The following ZNF384 variants were observed in gnomAD, a reference collection of about 807,000 sequenced individuals.
ZNF384 encodes the protein CAG repeat protein 1.
Under a neutral mutation model 65.0 loss-of-function variants are expected in ZNF384, and 20 were observed. The observed-to-expected ratio is 0.31, with a 90% confidence interval of 0.22 to 0.45. ZNF384 has a LOEUF of 0.45. Ranked by LOEUF, ZNF384 falls within the 20% of genes least tolerant of loss-of-function variation. ZNF384 has a pLI of 1.00. For missense variants in ZNF384, 549 were observed against 769.4 expected (o/e 0.71, Z 3.39); for synonymous variants, 310 against 303.9 (o/e 1.02, Z -0.21).
intron 7 of ZNF384, among the ~76,000 whole-genome samples, chr12:6,676,696 T>G (rs1362221335): frequency 3.3e-5 from 5 of 152,218 alleles, no homozygotes; most frequent in Non-Finnish European, 2.9e-5. Context: ...CATAAAAATC[T>G]AGATTTCTAT....
intron 7 of ZNF384, among the ~76,000 whole-genome samples, chr12:6,676,192 CG>C (rs1393130189): frequency 6.6e-6 from 1 of 152,032 alleles, no homozygotes; most frequent in African/African-American, 2.4e-5. Context: ...CCCAGCTACT[CG>C]GGAGGCTGAG....
Position 6,677,478 on chromosome 12 carries a change from AT to A in ZNF384, c.687-220del, listed in dbSNP as rs563527678. On this transcript the variant is annotated intron_variant, in intron 6 of 11. Coordinates refer to ENST00000683879, the MANE Select transcript of ZNF384 (RefSeq NM_001385745.1). ...CTTTCAAAGGGCAGGGAGTTTACTT[AT>A]GTAATTATTTTTGTAGAGTATCACA... Among the ~76,000 whole-genome samples the A allele has an allele frequency of 1.0e-3, 155 of 152,346 alleles. 1 individual carries two copies. Among genetic ancestry groups the A allele is most frequent in the African/African-American group, 3.6e-3 (150 of 41,582 alleles).
intron 7 of ZNF384, among the ~76,000 whole-genome samples, chr12:6,676,805 T>G (rs746298257): frequency 6.6e-6 from 1 of 150,948 alleles, no homozygotes; most frequent in Non-Finnish European, 1.5e-5. Context: ...TATGATATGA[T>G]GGAAACATTT....
intron 2 of ZNF384, among the ~76,000 whole-genome samples, chr12:6,687,391 G>A (rs1033623403): frequency 7.2e-5 from 11 of 152,102 alleles, no homozygotes; most frequent in African/African-American, 2.7e-4. Flanking sequence ...GATGGATCTG[G>A]GGAATGTGAG....
chr12:6,668,294 A>G (rs1420999983), intron 11 of ZNF384, among the ~76,000 whole-genome samples, 179 bp from the exon 12 acceptor site: 4 of 152,252 alleles, frequency 2.6e-5, no homozygotes, highest in Non-Finnish European at 5.9e-5. Flanking sequence ...GAGAAAAAAA[A>G]GAGAGGAACC....
Position 6,678,182 on chromosome 12 carries a change from A to C in ZNF384, c.631T>G (p.Tyr211Asp). Reference protein sequence around the residue: ...ESGLPEMNDPYVLSPEDDDDH... With the variant: ...ESGLPEMNDPDVLSPEDDDDH... Reference sequence around the variant, plus strand: ...TCATCATCCTCAGGGGAGAGGACATAAGGGTCATTCATCTCGGGCAGCCCT... The same window carrying C: ...TCATCATCCTCAGGGGAGAGGACATCAGGGTCATTCATCTCGGGCAGCCCT... Residue 211 changes from tyrosine to aspartate, a missense_variant, in exon 6 of 12, where the codon TAT becomes GAT. Around this residue, in one of 5 missense-constraint regions of ZNF384, gnomAD observed 277 missense variants for 337.2 expected, o/e 0.82. Coordinates refer to ENST00000683879, the MANE Select transcript of ZNF384 (RefSeq NM_001385745.1). The surrounding 1 kb of genome is among the most constrained non-coding windows in gnomAD (Gnocchi z 4.9). 1 of 1,614,096 alleles carries C rather than the reference A, an allele frequency of 6.2e-7. No homozygotes were observed. The highest frequency in any genetic ancestry group is 8.5e-7 in the Non-Finnish European group (1 of 1,180,018).
intron 2 of ZNF384, among the ~76,000 whole-genome samples, chr12:6,682,127 TAA>T (rs542764175): frequency 1.3e-5 from 1 of 74,476 alleles, no homozygotes; most frequent in African/African-American, 4.6e-5. Flanking sequence ...ACCGTGTCTC[TAA>T]AAAAAAAAAA....
In ZNF384 at chr12:6,673,086, A is replaced by T; in HGVS notation, c.1004+130T>A. On this transcript the variant is annotated intron_variant, in intron 8 of 11. Transcript: ENST00000683879. The surrounding 1 kb of genome is among the most constrained non-coding windows in gnomAD (Gnocchi z 4.7). ...ATATATAATTTCCACAGACAGTAAT[A>T]GGAGGTTGAGGCTACCAATGGGCAA... is the stretch of plus-strand genomic sequence containing the variant. 1 of 812,638 alleles carries T rather than the reference A, an allele frequency of 1.2e-6. No individual in the cohort carries two copies. The highest frequency in any genetic ancestry group is 2.0e-6 in the Non-Finnish European group (1 of 511,486). The allele number at this position is 812,638 out of a possible 1,614,324, so 50.3% of individuals were successfully genotyped here.
chr12:6,668,620 T>C (rs1950378434), intron 11 of ZNF384, among the ~76,000 whole-genome samples: 1 of 151,404 alleles, frequency 6.6e-6, no homozygotes, highest in African/African-American at 2.4e-5. Flanking sequence ...GGAGAATCGC[T>C]TGAACCCAGG....
Position 6,667,699 on chromosome 12 carries a change from T to G in ZNF384, c.*15A>C. On this transcript the variant is annotated 3_prime_UTR_variant, in exon 12 of 12. Transcript: ENST00000683879. ...ACTACTTCTTCCTCTTCCCAGTGGG[T>G]GGCAGCACGGATCTCTAAGAGCTGG... The G allele has an allele frequency of 6.2e-7, 1 of 1,613,842 alleles. No individual in the cohort carries two copies. The highest frequency in any genetic ancestry group is 8.5e-7 in the Non-Finnish European group (1 of 1,179,980).
At chr12:6,676,983 T>C (rs1382480256) in intron 7 of ZNF384, among the ~76,000 whole-genome samples, 184 bp downstream of exon 7, 1 of 152,248 alleles carries the variant, frequency 6.6e-6, no homozygotes, top group Non-Finnish European at 1.5e-5. Context: ...CTACTCTCCA[T>C]AGTAGAACTA....
intron 7 of ZNF384, among the ~76,000 whole-genome samples, chr12:6,674,858 G>C (rs935513545): frequency 6.6e-6 from 1 of 152,204 alleles, no homozygotes; most frequent in Non-Finnish European, 1.5e-5. Context: ...TTCATCTTAA[G>C]CCTTAGTGCT....
In ZNF384 at chr12:6,678,078, A is replaced by C; in HGVS notation, c.686+49T>G. The C allele has an allele frequency of 6.5e-7, 1 of 1,541,656 alleles. No individual in the cohort carries two copies. Among genetic ancestry groups the C allele is most frequent in the Non-Finnish European group, 8.9e-7 (1 of 1,128,908 alleles). ...ACACAATGAGGGTACAGGGAGAATCACCAAGCCAGGGATCCTCGCCCCATC... is the reference window on the plus strand; with the variant it reads ...ACACAATGAGGGTACAGGGAGAATCCCCAAGCCAGGGATCCTCGCCCCATC... On this transcript the variant is annotated intron_variant, in intron 6 of 11. Transcript: ENST00000683879. The surrounding 1 kb of genome is among the most constrained non-coding windows in gnomAD (Gnocchi z 4.9).
chr12:6,685,057 C>T (rs1957405958), intron 2 of ZNF384, among the ~76,000 whole-genome samples: 1 of 152,056 alleles, frequency 6.6e-6, no homozygotes, highest in Non-Finnish European at 1.5e-5. Context: ...ATGATTATGC[C>T]TATATATTTA....
chr12:6,672,414 G>A lies in ZNF384; in HGVS notation c.1123C>T (p.Pro375Ser). Reference protein sequence around the residue: ...QHLRIHSGAKPYNCSYCQKAF... With the variant: ...QHLRIHSGAKSYNCSYCQKAF... ...TTCTGGCAGTAGGAACAGTTGTAGG[G>A]CTTGGCCCCCGAGTGGATACGGAGG... The change falls in exon 9 of 12, where the codon CCC becomes TCC. Residue 375 changes from proline (P) to serine (S), a missense_variant. Pro to Ser is a moderately conservative substitution (Grantham distance 74). Around this residue, in one of 5 missense-constraint regions of ZNF384, gnomAD observed 59 missense variants for 63.6 expected, o/e 0.93. Coordinates refer to ENST00000683879, the MANE Select transcript of ZNF384 (RefSeq NM_001385745.1). The surrounding 1 kb of genome is among the most constrained non-coding windows in gnomAD (Gnocchi z 4.4). 1 of 1,614,198 alleles carries A rather than the reference G, an allele frequency of 6.2e-7. No homozygotes were observed. Among genetic ancestry groups the A allele is most frequent in the South Asian group, 1.1e-5 (1 of 91,092 alleles).
rs2137633490 is a variant in ZNF384 at position 6,689,344 on chromosome 12, T to G, written c.-312A>C. On this transcript the variant is annotated 5_prime_UTR_variant, in exon 1 of 12. Coordinates refer to ENST00000683879, the MANE Select transcript of ZNF384 (RefSeq NM_001385745.1). The stretch of plus-strand genomic sequence containing the variant: ...CGAGGTAGTGGGTGGCCCCCCCTCC[T>G]TGCTGCCCTCCCCTTGCACTCACCC... 6.6e-6 allele frequency: 1 copy of G among 152,596 alleles called. No homozygotes were observed. The highest frequency in any genetic ancestry group is 2.1e-4 in the South Asian group (1 of 4,854). 9.5% of individuals were successfully genotyped at this position (152,596 alleles called of 1,614,324 possible).
At chr12:6,671,229 G>A (rs1011442228) in intron 9 of ZNF384, among the ~76,000 whole-genome samples, 2 of 152,210 alleles carry the variant, frequency 1.3e-5, no homozygotes, top group African/African-American at 4.8e-5. Context: ...CTTATGGCCA[G>A]AAACAGTCCC....
chr12:6,678,821 T>G lies in ZNF384; in HGVS notation c.305-111A>C, dbSNP rs776574211. ...ACATTGCTAGGCACACAGTAGGCAC[T>G]TAATAAAAATTTGATTGAATAATCA... On this transcript the variant is annotated intron_variant, in intron 4 of 11. Transcript: ENST00000683879. The surrounding 1 kb of genome is among the most constrained non-coding windows in gnomAD (Gnocchi z 4.9). The G allele has an allele frequency of 6.8e-7, 1 of 1,472,720 alleles. No homozygotes were observed. Among genetic ancestry groups the G allele is most frequent in the Non-Finnish European group, 9.4e-7 (1 of 1,059,952 alleles). The allele number at this position is 1,472,720 out of a possible 1,614,324, so 91.2% of individuals were successfully genotyped here.
Position 6,673,841 on chromosome 12 carries a change from T to C in ZNF384, c.780-401A>G, listed in dbSNP as rs1290985190. On this transcript the variant is annotated intron_variant, in intron 7 of 11. Coordinates refer to ENST00000683879, the MANE Select transcript of ZNF384 (RefSeq NM_001385745.1). This position sits in a 1 kb window ranked among gnomAD's most constrained non-coding sequence, Gnocchi z 4.7. ...ATGTATGAAGCACATGCCTCTGTAT[T>C]CCTCAAGACCCCGAGATGATAATGA... is the stretch of plus-strand genomic sequence containing the variant. Among the ~76,000 whole-genome samples the C allele has an allele frequency of 6.6e-6, 1 of 152,202 alleles. No individual in the cohort carries two copies. The highest frequency in any genetic ancestry group is 1.5e-5 in the Non-Finnish European group (1 of 68,030).
Sources: allele counts gnomAD v4.1 joint callset (sites outside exome capture counted in the v4.1 genomes callset), GRCh38; gene constraint gnomAD v4.1.1; regional missense constraint gnomAD v4.1.1; non-coding constraint Gnocchi (gnomAD v3.1); transcripts MANE v1.5; gene names NCBI Gene and HGNC (gene_info 2026-07-23, HGNC 2026-07-21).